Variants in TUSC3 observed in about 807,000 individuals in gnomAD.
The protein encoded by TUSC3 is dolichyl-diphosphooligosaccharide--protein glycosyltransferase subunit TUSC3.
Under a neutral mutation model 44.8 loss-of-function variants are expected in TUSC3, and 45 were observed. That is an observed-to-expected ratio of 1.00 (90% CI 0.79 to 1.29). The LOEUF (loss-of-function observed/expected upper bound fraction) is 1.29, where lower values mean the gene tolerates loss of function less well. TUSC3 is among the 50% of genes most tolerant of loss of function. TUSC3 has a pLI of 0.00. For synonymous variants in TUSC3, 212 were observed against 152.9 expected, an observed-to-expected ratio of 1.39 and a Z score of -2.85; for missense variants, 519 against 437.9, an observed-to-expected ratio of 1.19 and a Z score of -1.65.
chr8:15,688,367 A>T (rs1322427073), intron 6 of TUSC3, among the ~76,000 whole-genome samples: 22 of 151,864 alleles, frequency 1.4e-4, no homozygotes, highest in Admixed American at 1.2e-3. Flanking sequence ...CTAGTCTCTG[A>T]CTTTAGTAAG....
the TUSC3 span, among the ~76,000 whole-genome samples, chr8:15,812,855 G>C: frequency 6.6e-6 from 1 of 152,138 alleles, no homozygotes; most frequent in Non-Finnish European, 1.5e-5. Flanking sequence ...CAGCACTTTG[G>C]GAGGCCAAGG....
intron 10 of TUSC3, among the ~76,000 whole-genome samples, chr8:15,763,319 A>G (rs1001920389): frequency 4.0e-5 from 6 of 151,868 alleles, no homozygotes; most frequent in African/African-American, 1.4e-4. Context: ...TATGCCTAGG[A>G]TGATATGATT....
chr8:15,758,722 C>G (rs541051576), intron 10 of TUSC3, among the ~76,000 whole-genome samples: 8 of 152,052 alleles, frequency 5.3e-5, no homozygotes, highest in African/African-American at 1.7e-4. Flanking sequence ...TCTTCTCCCC[C>G]CAGATTGACT....
chr8:15,741,939 G>C (rs1355476932), intron 7 of TUSC3, among the ~76,000 whole-genome samples: 1 of 152,122 alleles, frequency 6.6e-6, no homozygotes, highest in Non-Finnish European at 1.5e-5. Context: ...CAGTTTTAGT[G>C]AAACAAGTTT....
At chr8:15,621,217 A>G (rs2129163408) in intron 1 of TUSC3, among the ~76,000 whole-genome samples, 1 of 151,864 alleles carries the variant, frequency 6.6e-6, no homozygotes, top group Admixed American at 6.6e-5. Flanking sequence ...CAAGGCTCAA[A>G]AGAATTTATA....
intron 6 of TUSC3, among the ~76,000 whole-genome samples, chr8:15,687,929 A>G (rs1389058329): frequency 6.6e-6 from 1 of 152,194 alleles, no homozygotes; most frequent in Non-Finnish European, 1.5e-5. Flanking sequence ...CATAATGAGA[A>G]TGTGTTTTAA....
chr8:15,460,527 C>G (rs902139673), intron 1 of TUSC3, among the ~76,000 whole-genome samples: 1 of 151,952 alleles, frequency 6.6e-6, no homozygotes, highest in East Asian at 1.9e-4. Context: ...GTGCAAAACT[C>G]TTTAATTATG....
At chr8:15,598,406 A>C (rs76840307) in intron 1 of TUSC3, among the ~76,000 whole-genome samples, 2 of 151,948 alleles carry the variant, frequency 1.3e-5, no homozygotes. Flanking sequence ...CTCCATCATT[A>C]TCAGTATTCC....
chr8:15,631,678 G>GTC (rs1386062903), intron 2 of TUSC3, among the ~76,000 whole-genome samples: 1 of 150,362 alleles, frequency 6.7e-6, no homozygotes, highest in African/African-American at 2.4e-5. Flanking sequence ...TTGTGTGTGT[G>GTC]TGTGTGTGTG....
In TUSC3 at chr8:15,634,842, G is replaced by A. The variant is rs570388397; in HGVS notation, c.308+11593G>A. 6.6e-5 allele frequency among the ~76,000 whole-genome samples: 10 copies of A among 152,216 alleles called. No homozygotes were observed. In the East Asian group the frequency reaches 7.8e-4, roughly 12 times the overall value. On this transcript the variant is annotated intron_variant, in intron 2 of 10. Coordinates refer to ENST00000503731, the MANE Select transcript of TUSC3 (RefSeq NM_006765.4). ...CTAACACCCAGATTATCAGATGTTC[G>A]TCTGGAGAGTTTTAGTATGAGAGAT...
At chr8:15,630,670 T>C (rs1585172076) in intron 2 of TUSC3, among the ~76,000 whole-genome samples, 1 of 152,178 alleles carries the variant, frequency 6.6e-6, no homozygotes, top group East Asian at 1.9e-4. Context: ...CTGTAAACTG[T>C]AATTGTGTCT....
chr8:15,601,645 T>C (rs967060923), intron 1 of TUSC3, among the ~76,000 whole-genome samples: 21 of 151,734 alleles, frequency 1.4e-4, no homozygotes, highest in African/African-American at 4.6e-4. Flanking sequence ...TTATAAAATC[T>C]ATTCTGTAGC....
chr8:15,798,001 C>T, the TUSC3 span, among the ~76,000 whole-genome samples: 1 of 152,128 alleles, frequency 6.6e-6, no homozygotes, highest in Admixed American at 6.5e-5. Context: ...AGGCTATGAT[C>T]TTCCTTTCCC....
chr8:15,555,955 C>G lies in TUSC3; in HGVS notation c.138+15387C>G, dbSNP rs112505507. Among the ~76,000 whole-genome samples the G allele has an allele frequency of 1.8e-3, 278 of 150,804 alleles. 4 individuals carry two copies. The highest frequency in any genetic ancestry group is 6.3e-3 in the African/African-American group (260 of 41,284). On this transcript the variant is annotated intron_variant, in intron 1 of 10. Transcript: ENST00000503731. The stretch of plus-strand genomic sequence containing the variant: ...GCTTTCTGGATATAAATGATCAAAA[C>G]CATTAGAAAATAGAGGTAAAAATCA...
At chr8:15,842,673 C>T in the TUSC3 span, among the ~76,000 whole-genome samples, 6 of 152,242 alleles carry the variant, frequency 3.9e-5, no homozygotes, top group Admixed American at 1.3e-4. Context: ...AAACAGCTAC[C>T]GTTCCTGCTT....
At chr8:15,563,287 GTC>G (rs1372339809) in intron 1 of TUSC3, among the ~76,000 whole-genome samples, 3 of 152,108 alleles carry the variant, frequency 2.0e-5, no homozygotes, top group East Asian at 1.9e-4. Context: ...GAATCTCTAT[GTC>G]TCTCGATTTA....
At chr8:15,736,929 A>T (rs1342566544) in intron 7 of TUSC3, among the ~76,000 whole-genome samples, 1 of 152,148 alleles carries the variant, frequency 6.6e-6, no homozygotes, top group African/African-American at 2.4e-5. Context: ...CTCTGACCTA[A>T]GTTAGAAGAT....
chr8:15,680,082 C>T (rs370152), intron 6 of TUSC3, among the ~76,000 whole-genome samples: 116,602 of 151,924 alleles, frequency 0.77, 45,097 homozygotes, highest in Non-Finnish European at 0.81. Flanking sequence ...TTGGGTTCCA[C>T]ATGAATTTTA....
intron 1 of TUSC3, among the ~76,000 whole-genome samples, chr8:15,479,639 C>T (rs781729346): frequency 6.6e-6 from 1 of 152,108 alleles, no homozygotes; most frequent in African/African-American, 2.4e-5. Flanking sequence ...TTCCATTGGT[C>T]TCTGTGTCTG....
Sources: allele counts gnomAD v4.1 joint callset (sites outside exome capture counted in the v4.1 genomes callset), GRCh38; gene constraint gnomAD v4.1.1; transcripts MANE v1.5; gene names NCBI Gene and HGNC (gene_info 2026-07-23, HGNC 2026-07-21).